Variants in KLHL26 observed in about 807,000 individuals in gnomAD.
KLHL26 encodes the protein kelch-like protein 26.
KLHL26 carries 4 observed loss-of-function variants against 7.1 expected under a neutral mutation model. That is an observed-to-expected ratio of 0.56 (90% CI 0.28 to 1.28). The LOEUF (loss-of-function observed/expected upper bound fraction) is 1.28. Among genes scored for constraint, KLHL26 ranks in the 50% most tolerant of loss-of-function variants. The pLI, the probability that KLHL26 is intolerant of heterozygous loss-of-function variation, is 0.11. For synonymous variants in KLHL26, 465 were observed against 414.1 expected, an observed-to-expected ratio of 1.12 and a Z score of -1.49; for missense variants, 896 against 924.6, an observed-to-expected ratio of 0.97 and a Z score of 0.40.
At chr19:18,647,578 T>G (rs1239418462) in intron 1 of KLHL26, among the ~76,000 whole-genome samples, 17 of 120,102 alleles carry the variant, frequency 1.4e-4, no homozygotes, top group East Asian at 4.6e-4. Context: ...GAGGAGGAGA[T>G]GAGAGGGAGG....
intron 1 of KLHL26, among the ~76,000 whole-genome samples, chr19:18,641,044 G>A (rs1976702791): frequency 6.6e-6 from 1 of 151,856 alleles, no homozygotes. Context: ...TGTGAGATGA[G>A]GTCTCACTCT....
rs180795005 is a variant in KLHL26, at chr19:18,654,341, A to G, written c.84-9920A>G. On this transcript the variant is annotated intron_variant, in intron 1 of 2. Coordinates refer to ENST00000300976, the MANE Select transcript of KLHL26 (RefSeq NM_018316.3). ...AACCCACCCACCCATCCACCAATCC[A>G]CTCATCCACCATCTGCCCACTCATC... Among the ~76,000 whole-genome samples the G allele has an allele frequency of 2.3e-4, 30 of 130,374 alleles. No homozygotes were observed. In the East Asian group the frequency reaches 7.1e-3, roughly 31 times the overall value. The allele number at this position is 130,374 out of a possible 152,430, so 85.5% of individuals were successfully genotyped here. A position where few individuals can be genotyped will look rare whatever the true frequency, so the allele number is the denominator to read the frequency against.
chr19:18,640,645 TCTC>T (rs1205320107), intron 1 of KLHL26, among the ~76,000 whole-genome samples: 1 of 150,198 alleles, frequency 6.7e-6, no homozygotes, highest in Non-Finnish European at 1.5e-5. Flanking sequence ...TTCAAGTGAT[TCTC>T]CTGCTTCAGC....
intron 1 of KLHL26, among the ~76,000 whole-genome samples, chr19:18,653,479 C>T: frequency 7.4e-6 from 1 of 134,548 alleles, no homozygotes; most frequent in African/African-American, 2.8e-5. Context: ...CATCCACCCA[C>T]CTACCCATGC....
At position 18,642,225 on chromosome 19, in the gene KLHL26, GC is replaced by G. The variant is rs554613301; in HGVS notation, c.83+5091del. Among the ~76,000 whole-genome samples the G allele has an allele frequency of 3.4e-3, 515 of 152,158 alleles. 3 individuals are homozygous for G. Among genetic ancestry groups the G allele is most frequent in the African/African-American group, 0.012 (483 of 41,508 alleles). ...ACGACCCACCTCCTCGCCTCAACCT[GC>G]CCACGTCTCCTTCCTCTTCATCCTT... is the stretch of plus-strand genomic sequence containing the variant. On this transcript the variant is annotated intron_variant, in intron 1 of 2. Transcript: ENST00000300976.
At position 18,669,208 on chromosome 19, in the gene KLHL26, C is replaced by G; in HGVS notation, c.1811C>G (p.Ala604Gly). The G allele has an allele frequency of 6.2e-7, 1 of 1,611,792 alleles. No homozygotes were observed. Among genetic ancestry groups the G allele is most frequent in the Non-Finnish European group, 8.5e-7 (1 of 1,179,850 alleles). The part of the protein sequence containing the change: ...FPESFAGIAC[A>G]PVLLPRAGTR... Reference sequence around the variant, plus strand: ...GAGTCCTTCGCAGGCATAGCCTGCGCCCCCGTCCTGCTGCCCCGGGCCGGG... The same window carrying G: ...GAGTCCTTCGCAGGCATAGCCTGCGGCCCCGTCCTGCTGCCCCGGGCCGGG... The change falls in exon 3 of 3, where the codon GCC becomes GGC. Residue 604 changes from alanine to glycine, a missense_variant. Transcript: ENST00000300976.
At chr19:18,647,597 G>A (rs910601282) in intron 1 of KLHL26, among the ~76,000 whole-genome samples, 1 of 151,004 alleles carries the variant, frequency 6.6e-6, no homozygotes, top group African/African-American at 2.4e-5. Context: ...GGAGGAGGAA[G>A]AGGAGGAGGA....
At chr19:18,641,087 T>C (rs1476319006) in intron 1 of KLHL26, among the ~76,000 whole-genome samples, 1 of 152,074 alleles carries the variant, frequency 6.6e-6, no homozygotes, top group Non-Finnish European at 1.5e-5. Context: ...GGTGCGATCC[T>C]AGCTCACTGC....
chr19:18,640,118 C>A (rs998156755), intron 1 of KLHL26, among the ~76,000 whole-genome samples: 4 of 151,614 alleles, frequency 2.6e-5, no homozygotes, highest in African/African-American at 9.7e-5. Flanking sequence ...TCCATTTTGA[C>A]AACTGCAAAT....
At position 18,669,092 on chromosome 19, in the gene KLHL26, G is replaced by A; in HGVS notation, c.1695G>A (p.Gly565=). ...CLLERKIYIV[G]GYNWRLNNVT... The stretch of plus-strand genomic sequence containing the variant: ...TGGAGAGGAAGATCTACATCGTCGG[G>A]GGCTACAACTGGCGTCTCAACAACG... Residue 565 remains glycine (G), a synonymous_variant, in exon 3 of 3, where the codon GGG becomes GGA. Coordinates refer to ENST00000300976, the MANE Select transcript of KLHL26 (RefSeq NM_018316.3). The A allele has an allele frequency of 1.9e-6, 3 of 1,612,940 alleles. No individual in the cohort carries two copies. Among genetic ancestry groups the A allele is most frequent in the Non-Finnish European group, 2.5e-6 (3 of 1,179,962 alleles).
rs1976630174 is a variant in KLHL26, at chr19:18,637,043, G to A, written c.-12G>A. On this transcript the variant is annotated 5_prime_UTR_variant, in exon 1 of 3. Coordinates refer to ENST00000300976, the MANE Select transcript of KLHL26 (RefSeq NM_018316.3). Reference sequence around the variant, plus strand: ...GGCTCCCGTCACTCGAACGCGCGACGGCGGGGGGAAGATGGCGGAGTCCGG... The same window carrying A: ...GGCTCCCGTCACTCGAACGCGCGACAGCGGGGGGAAGATGGCGGAGTCCGG... 3 of 1,333,352 alleles carry A rather than the reference G, an allele frequency of 2.2e-6. No homozygotes were observed. The highest frequency in any genetic ancestry group is 2.9e-6 in the Non-Finnish European group (3 of 1,034,582). The allele number at this position is 1,333,352 out of a possible 1,614,324, so 82.6% of individuals were successfully genotyped here.
At chr19:18,667,412 G>A (rs1443650254) in intron 2 of KLHL26, 1 of 566,330 alleles carries the variant, frequency 1.8e-6, no homozygotes, top group Non-Finnish European at 3.1e-6. Context: ...CTGGAGTGCA[G>A]TGCCAGTGGT....
At chr19:18,639,132 G>A (rs1490808618) in intron 1 of KLHL26, among the ~76,000 whole-genome samples, 1 of 152,020 alleles carries the variant, frequency 6.6e-6, no homozygotes, top group African/African-American at 2.4e-5. Context: ...CTGGAGTGCA[G>A]TGGCGCAATC....
At position 18,649,590 on chromosome 19, in the gene KLHL26, A is replaced by G. The variant is rs1976865446; in HGVS notation, c.83+12453A>G. Among the ~76,000 whole-genome samples, 1 of 152,236 alleles carries G rather than the reference A, an allele frequency of 6.6e-6. No individual in the cohort carries two copies. Among genetic ancestry groups the G allele is most frequent in the African/African-American group, 2.4e-5 (1 of 41,464 alleles). ...CCCTGCATGTTAAAGCAAAGGCGGC[A>G]AACGACAGCCGCTCTCTCCCTGTCC... On this transcript the variant is annotated intron_variant, in intron 1 of 2. Transcript: ENST00000300976. The surrounding 1 kb of genome is among the most constrained non-coding windows in gnomAD (Gnocchi z 4.0).
At chr19:18,642,338 AGTGTGT>A (rs1204260630) in intron 1 of KLHL26, among the ~76,000 whole-genome samples, 264 of 123,880 alleles carry the variant, frequency 2.1e-3, no homozygotes, top group East Asian at 3.0e-3. Context: ...CTAGTCACCT[AGTGTGT>A]GTGTGTGTGT....
At chr19:18,655,690 C>CTA (rs2145393838) in intron 1 of KLHL26, among the ~76,000 whole-genome samples, 3 of 152,202 alleles carry the variant, frequency 2.0e-5, no homozygotes, top group African/African-American at 7.2e-5. Context: ...GGGAGGGGTG[C>CTA]TGTGGAGGCA....
chr19:18,664,586 CT>C (rs796201839), intron 2 of KLHL26, 143 bp downstream of exon 2: 48,577 of 443,476 alleles, frequency 0.11, no homozygotes, highest in South Asian at 0.15. Context: ...ACCGGCTGCT[CT>C]TTTTTTTTTT....
intron 2 of KLHL26, among the ~76,000 whole-genome samples, chr19:18,666,855 C>G (rs1467945149): frequency 6.6e-6 from 1 of 152,258 alleles, no homozygotes; most frequent in African/African-American, 2.4e-5. Flanking sequence ...AACTGTGGTG[C>G]ATGGCACCTC....
chr19:18,637,119 G>T lies in KLHL26; in HGVS notation c.65G>T (p.Gly22Val). 1 of 1,356,440 alleles carries T rather than the reference G, an allele frequency of 7.4e-7. No individual in the cohort carries two copies. Among genetic ancestry groups the T allele is most frequent in the Non-Finnish European group, 9.5e-7 (1 of 1,056,200 alleles). The allele number at this position is 1,356,440 out of a possible 1,614,324, so 84.0% of individuals were successfully genotyped here. A position where few individuals can be genotyped will look rare whatever the true frequency, so the allele number is the denominator to read the frequency against. The change falls in exon 1 of 3, where the codon GGC (glycine) becomes GTC (valine). Residue 22 changes from glycine (G) to valine (V), a missense_variant. Physicochemically the swap from Gly to Val is moderately radical, Grantham distance 109. Transcript: ENST00000300976. ...GGCGGCGCTTTCGGCGCGGGCCCGG[G>T]CCCCGAGCGCCCGAACAGGTGAGAC... ...GGGGAFGAGP[G>V]PERPNSTADK... is the part of the protein sequence containing the mutation.
Sources: gnomAD v4.1 joint callset for allele counts (sites outside exome capture counted in the v4.1 genomes callset) on GRCh38, gnomAD v4.1.1 for gene constraint, Gnocchi (gnomAD v3.1) non-coding constraint, MANE v1.5 for transcripts, NCBI Gene and HGNC (gene_info 2026-07-23, HGNC 2026-07-21) for gene names.